The following SORCS1 variants were observed in gnomAD, a reference collection of about 807,000 sequenced individuals.
SORCS1 encodes the protein sortilin related VPS10 domain containing receptor 1.
In SORCS1, 60 loss-of-function variants were observed where a neutral mutation model predicts 146.1. The ratio of observed to expected loss-of-function variants is 0.41; its 90% CI spans 0.33 to 0.51. SORCS1 has a LOEUF of 0.51. Among genes scored for constraint, SORCS1 ranks in the 20% least tolerant of loss-of-function variants. The pLI is 0.21. For synonymous variants in SORCS1, 637 were observed against 584.0 expected (o/e 1.09, Z -1.31); for missense variants, 1,352 against 1,487.6 (o/e 0.91, Z 1.50).
intron 1 of SORCS1, among the ~76,000 whole-genome samples, chr10:107,002,357 C>T (rs1318440950): frequency 6.6e-6 from 1 of 152,186 alleles, no homozygotes; most frequent in Non-Finnish European, 1.5e-5. Flanking sequence ...AGTGAATCTT[C>T]CCAGTCTCCT....
chr10:106,967,263 A>G (rs1265391799), intron 1 of SORCS1, among the ~76,000 whole-genome samples: 1 of 152,214 alleles, frequency 6.6e-6, no homozygotes, highest in African/African-American at 2.4e-5. Flanking sequence ...TTCTCAAAAT[A>G]TATATCCATA....
intron 1 of SORCS1, among the ~76,000 whole-genome samples, chr10:107,105,791 T>C (rs559322388): frequency 2.0e-4 from 30 of 152,188 alleles, no homozygotes; most frequent in Non-Finnish European, 2.9e-4. Context: ...GGCAACACCC[T>C]CCCAGACACA....
chr10:107,174,647 A>C, the SORCS1 span, among the ~76,000 whole-genome samples: 4 of 152,126 alleles, frequency 2.6e-5, no homozygotes, highest in African/African-American at 9.7e-5. Flanking sequence ...ATATCTGGTG[A>C]AATTGTTAAT....
At chr10:107,006,451 A>G (rs73371954) in intron 1 of SORCS1, among the ~76,000 whole-genome samples, 7,417 of 152,340 alleles carry the variant, frequency 0.049, 594 homozygotes, top group African/African-American at 0.17. Flanking sequence ...CAGAAGGGTA[A>G]TAAGTAGTAA....
rs115332287 is a variant in SORCS1, at chr10:106,804,116, A to C, written c.726+25458T>G. 1.2e-3 allele frequency among the ~76,000 whole-genome samples: 185 copies of C among 152,292 alleles called. 1 individual carries two copies. Among genetic ancestry groups the C allele is most frequent in the African/African-American group, 4.3e-3 (180 of 41,582 alleles). On this transcript the variant is annotated intron_variant, in intron 3 of 25. Coordinates refer to ENST00000263054, the MANE Select transcript of SORCS1 (RefSeq NM_052918.5). ...TAATCTAAACAAATTGATGGGAGAG[A>C]GTGAAAAAGTACTCATAATTATTGT...
chr10:106,815,206 C>A (rs1323236455), intron 3 of SORCS1, among the ~76,000 whole-genome samples: 2 of 152,100 alleles, frequency 1.3e-5, no homozygotes, highest in African/African-American at 4.8e-5. Context: ...ATCCACCCAC[C>A]TTGGCCTCCC....
intron 5 of SORCS1, among the ~76,000 whole-genome samples, chr10:106,734,334 T>C (rs1377574898): frequency 6.6e-6 from 1 of 152,206 alleles, no homozygotes; most frequent in Non-Finnish European, 1.5e-5. Context: ...CAGCTGCAGA[T>C]GACTGAAGTT....
chr10:107,138,032 T>C (rs774397897), intron 1 of SORCS1, among the ~76,000 whole-genome samples: 14 of 152,190 alleles, frequency 9.2e-5, no homozygotes, highest in East Asian at 3.8e-4. Context: ...AAATGAGTTA[T>C]TGAGTGGAAA....
intron 3 of SORCS1, among the ~76,000 whole-genome samples, chr10:106,796,884 T>C (rs1046184865): frequency 1.3e-5 from 2 of 152,132 alleles, no homozygotes; most frequent in Admixed American, 6.5e-5. Flanking sequence ...CCAAGGCGGA[T>C]GGATTACGAA....
intron 4 of SORCS1, among the ~76,000 whole-genome samples, chr10:106,763,576 C>T (rs1400837618): frequency 2.6e-5 from 4 of 152,212 alleles, no homozygotes; most frequent in South Asian, 2.1e-4. Context: ...TGCCCTGCTA[C>T]GCCTTCACTG....
At chr10:107,033,411 C>A (rs1394964455) in intron 1 of SORCS1, among the ~76,000 whole-genome samples, 1 of 152,118 alleles carries the variant, frequency 6.6e-6, no homozygotes, top group Non-Finnish European at 1.5e-5. Context: ...CATGCTTTCC[C>A]GATCTTATTT....
chr10:107,029,357 G>A (rs1304897787), intron 1 of SORCS1, among the ~76,000 whole-genome samples: 6 of 152,144 alleles, frequency 3.9e-5, no homozygotes, highest in South Asian at 2.1e-4. Context: ...GAGCACATTC[G>A]TCAAAAGAAT....
chr10:107,176,502 A>G, the SORCS1 span, among the ~76,000 whole-genome samples: 1 of 151,466 alleles, frequency 6.6e-6, no homozygotes, highest in African/African-American at 2.4e-5. Flanking sequence ...CGCCTGGCTA[A>G]TTTTTTTCAG....
At chr10:106,876,092 C>A in intron 2 of SORCS1, among the ~76,000 whole-genome samples, 1 of 152,102 alleles carries the variant, frequency 6.6e-6, no homozygotes, top group South Asian at 2.1e-4. Flanking sequence ...TCAATTTAAG[C>A]TCTTCTTCAG....
Position 106,885,753 on chromosome 10 carries a change from G to A in SORCS1, c.627-56080C>T, listed in dbSNP as rs117972579. On this transcript the variant is annotated intron_variant, in intron 2 of 25. Coordinates refer to ENST00000263054, the MANE Select transcript of SORCS1 (RefSeq NM_052918.5). ...CTATAATTCCCATGTCTTATGGGAG[G>A]GACCAGGTGGAAGATAATTAAATCA... Among the ~76,000 whole-genome samples the A allele has an allele frequency of 6.7e-4, 102 of 152,226 alleles. No individual in the cohort carries two copies. In the East Asian group the frequency reaches 0.016, roughly 24 times the overall value.
intron 24 of SORCS1, among the ~76,000 whole-genome samples, chr10:106,593,670 C>A (rs1845744307): frequency 6.6e-6 from 1 of 152,122 alleles, no homozygotes; most frequent in Admixed American, 6.6e-5. Flanking sequence ...AGCCGAAAGA[C>A]CCTACTATCA....
intron 1 of SORCS1, among the ~76,000 whole-genome samples, chr10:106,982,162 G>A (rs767358560): frequency 2.6e-5 from 4 of 152,238 alleles, no homozygotes; most frequent in African/African-American, 7.2e-5. Context: ...GGTTGAATTA[G>A]ATCCTTTAAC....
chr10:106,737,215 T>A (rs1419686461), intron 5 of SORCS1, among the ~76,000 whole-genome samples: 1 of 152,124 alleles, frequency 6.6e-6, no homozygotes, highest in Non-Finnish European at 1.5e-5. Flanking sequence ...TAAACAACAA[T>A]GTTTAGAAAC....
chr10:106,799,428 T>G (rs547223697), intron 3 of SORCS1, among the ~76,000 whole-genome samples: 1 of 152,208 alleles, frequency 6.6e-6, no homozygotes, highest in Non-Finnish European at 1.5e-5. Context: ...GAAACTACCA[T>G]CAGAGTGAAC....
Sources: gnomAD v4.1 joint callset for allele counts (sites outside exome capture counted in the v4.1 genomes callset) on GRCh38, gnomAD v4.1.1 for gene constraint, MANE v1.5 for transcripts, NCBI Gene and HGNC (gene_info 2026-07-23, HGNC 2026-07-21) for gene names.